Variants in PKN2 observed in about 807,000 individuals in gnomAD.
The protein encoded by PKN2 is serine/threonine-protein kinase N2.
Under a neutral mutation model 119.1 loss-of-function variants are expected in PKN2, and 38 were observed. The observed-to-expected ratio is 0.32, with a 90% CI of 0.25 to 0.42. The LOEUF is 0.42. PKN2 is among the 10% of genes least tolerant of loss of function. PKN2 has a pLI of 1.00. For synonymous variants in PKN2, 390 were observed against 384.9 expected, an observed-to-expected ratio of 1.01 and a Z score of -0.15; for missense variants, 850 against 1,165.1, an observed-to-expected ratio of 0.73 and a Z score of 3.94.
rs1401792922 is a variant in PKN2 at position 88,741,305 on chromosome 1, T to C, written c.349+17T>C. ...ATATTACAGGTATAGTAGTGCTTTA[T>C]TTGATGTTTATATGGTATATTAATA... On this transcript the variant is annotated intron_variant, in intron 2 of 21. Coordinates refer to ENST00000370521, the MANE Select transcript of PKN2 (RefSeq NM_006256.4). 67 of 1,464,460 alleles carry C rather than the reference T, an allele frequency of 4.6e-5. No individual in the cohort carries two copies. The highest frequency in any genetic ancestry group is 6.0e-5 in the Non-Finnish European group (66 of 1,093,332). The allele number at this position is 1,464,460 out of a possible 1,614,324, so 90.7% of individuals were successfully genotyped here. A position where few individuals can be genotyped will look rare whatever the true frequency, so the allele number is the denominator to read the frequency against.
intron 1 of PKN2, among the ~76,000 whole-genome samples, chr1:88,703,085 C>T (rs922882034): frequency 6.6e-6 from 1 of 152,144 alleles, no homozygotes; most frequent in Non-Finnish European, 1.5e-5. Context: ...TCCCTTTTCT[C>T]CTTCCTTGGT....
chr1:88,810,327 A>C (rs1312652487), intron 15 of PKN2, among the ~76,000 whole-genome samples: 1 of 150,974 alleles, frequency 6.6e-6, no homozygotes, highest in Non-Finnish European at 1.5e-5. Context: ...TCACCATGTT[A>C]GCCAGGCTGG....
chr1:88,697,433 C>T (rs1666585856), intron 1 of PKN2, among the ~76,000 whole-genome samples: 1 of 152,176 alleles, frequency 6.6e-6, no homozygotes, highest in Admixed American at 6.5e-5. Context: ...TTGCTTCAGT[C>T]TCTTCAGTTG....
At chr1:88,738,069 T>G (rs978281955) in intron 1 of PKN2, among the ~76,000 whole-genome samples, 1 of 152,164 alleles carries the variant, frequency 6.6e-6, no homozygotes, top group Non-Finnish European at 1.5e-5. Context: ...CTCCAAATTC[T>G]CTTTATCAGA....
At chr1:88,702,234 C>T (rs941920666) in intron 1 of PKN2, among the ~76,000 whole-genome samples, 4 of 152,154 alleles carry the variant, frequency 2.6e-5, no homozygotes, top group African/African-American at 9.7e-5. Flanking sequence ...GCTGGGATTA[C>T]AGGCATGAGC....
Position 88,701,209 on chromosome 1 carries a change from T to C in PKN2, c.48+16581T>C, listed in dbSNP as rs933441078. On this transcript the variant is annotated intron_variant, in intron 1 of 21. Transcript: ENST00000370521. ...CTGTAATCCCAGTACTTTGGGAGGCTGAGGCGGGTGGATCACCTGAGGTCA... is the reference window on the plus strand; with the variant it reads ...CTGTAATCCCAGTACTTTGGGAGGCCGAGGCGGGTGGATCACCTGAGGTCA... Among the ~76,000 whole-genome samples, 25 of 152,274 alleles carry C rather than the reference T, an allele frequency of 1.6e-4. No individual in the cohort carries two copies. In the East Asian group the frequency reaches 4.6e-3, roughly 28 times the overall value.
chr1:88,832,607 A>G (rs977709848), intron 19 of PKN2, 137 bp from the exon 20 acceptor site: 25 of 575,954 alleles, frequency 4.3e-5, no homozygotes, highest in African/African-American at 2.3e-4. Flanking sequence ...GCATGGGTTT[A>G]TTGTTGTTGT....
intron 18 of PKN2, among the ~76,000 whole-genome samples, chr1:88,825,454 C>A (rs943571825): frequency 6.6e-6 from 1 of 152,168 alleles, no homozygotes; most frequent in South Asian, 2.1e-4. Flanking sequence ...AAACAAAAAT[C>A]ATTTATTTTC....
intron 2 of PKN2, among the ~76,000 whole-genome samples, chr1:88,757,274 C>T (rs964742982): frequency 6.6e-6 from 1 of 152,150 alleles, no homozygotes; most frequent in Admixed American, 6.5e-5. Context: ...GCGCAGATAT[C>T]ATTAACTAAA....
chr1:88,770,359 A>G lies in PKN2; in HGVS notation c.512A>G (p.Lys171Arg). 1 of 1,596,764 alleles carries G rather than the reference A, an allele frequency of 6.3e-7. No homozygotes were observed. The change falls in exon 4 of 22, where the codon AAA becomes AGA. Residue 171 changes from lysine (K) to arginine (R), a missense_variant. Physicochemically the swap from Lys to Arg is conservative, Grantham distance 26 (BLOSUM62 2). Transcript: ENST00000370521. ...MYSNGSSKDRKLHGTAQQLLQ... is the reference protein window; with the variant it reads ...MYSNGSSKDRRLHGTAQQLLQ... ...AACTTATTTTTTTAATAGGATCGGA[A>G]ACTCCATGGTACAGCTCAGCAACTG...
At chr1:88,794,511 A>G (rs1670981100) in intron 8 of PKN2, among the ~76,000 whole-genome samples, 1 of 152,170 alleles carries the variant, frequency 6.6e-6, no homozygotes, top group Non-Finnish European at 1.5e-5. Context: ...GACTGAGGCA[A>G]GATTACTTGA....
intron 16 of PKN2, among the ~76,000 whole-genome samples, chr1:88,814,369 T>C (rs1671901605): frequency 6.6e-6 from 1 of 152,180 alleles, no homozygotes; most frequent in Admixed American, 6.5e-5. Context: ...TGTGTGTATA[T>C]TTTCCCTGTT....
At chr1:88,805,293 T>C (rs1203690453) in intron 10 of PKN2, among the ~76,000 whole-genome samples, 1 of 152,176 alleles carries the variant, frequency 6.6e-6, no homozygotes, top group African/African-American at 2.4e-5. Flanking sequence ...AAAAAAACAA[T>C]TTCTTACCTA....
At chr1:88,721,494 A>G (rs1357205779) in intron 1 of PKN2, among the ~76,000 whole-genome samples, 2 of 152,194 alleles carry the variant, frequency 1.3e-5, no homozygotes, top group African/African-American at 4.8e-5. Flanking sequence ...TCTACTGGGA[A>G]TTCCAGGGAT....
intron 1 of PKN2, among the ~76,000 whole-genome samples, chr1:88,730,038 G>C (rs999888496): frequency 2.6e-5 from 4 of 152,104 alleles, no homozygotes; most frequent in Admixed American, 2.6e-4. Flanking sequence ...GGTGGTGGGC[G>C]CCTGTAGTCC....
intron 1 of PKN2, among the ~76,000 whole-genome samples, chr1:88,701,940 G>T (rs1229838487): frequency 6.6e-6 from 1 of 152,062 alleles, no homozygotes; most frequent in Non-Finnish European, 1.5e-5. Context: ...TTAGAGGAGG[G>T]AGTGGTCATT....
intron 16 of PKN2, 133 bp from the exon 17 acceptor site, chr1:88,821,808 A>G: frequency 1.5e-6 from 1 of 645,546 alleles, no homozygotes; most frequent in Non-Finnish European, 2.4e-6. Flanking sequence ...GCACAATGTG[A>G]TACATAGTAG....
At chr1:88,733,734 A>G (rs1487319712) in intron 1 of PKN2, among the ~76,000 whole-genome samples, 1 of 152,236 alleles carries the variant, frequency 6.6e-6, no homozygotes, top group Non-Finnish European at 1.5e-5. Flanking sequence ...TGAAATGCTT[A>G]CAACCAGAGT....
intron 1 of PKN2, among the ~76,000 whole-genome samples, chr1:88,707,410 A>G (rs951554136): frequency 2.0e-5 from 3 of 152,084 alleles, no homozygotes; most frequent in African/African-American, 7.2e-5. Context: ...GCGACAGTGT[A>G]GTGTCTCATT....
Sources: gnomAD v4.1 joint callset for allele counts (sites outside exome capture counted in the v4.1 genomes callset) on GRCh38, gnomAD v4.1.1 for gene constraint, MANE v1.5 for transcripts, NCBI Gene and HGNC (gene_info 2026-07-23, HGNC 2026-07-21) for gene names.